Variants in PTPRN2 observed in about 807,000 individuals in gnomAD.
PTPRN2 encodes protein tyrosine phosphatase receptor type N2.
PTPRN2 carries 74 observed loss-of-function variants against 118.8 expected under a neutral mutation model. The observed-to-expected ratio is 0.62, with a 90% CI of 0.52 to 0.76. The LOEUF (loss-of-function observed/expected upper bound fraction) is 0.76. Among genes scored for constraint, PTPRN2 ranks in the 30% least tolerant of loss-of-function variants. The probability of loss-of-function intolerance (pLI) is 0.00; values close to 1 mark genes in which losing one functional copy is unlikely to be tolerated. For synonymous variants in PTPRN2, 641 were observed against 608.0 expected, an observed-to-expected ratio of 1.05 and a Z score of -0.80; for missense variants, 1,481 against 1,394.4, an observed-to-expected ratio of 1.06 and a Z score of -0.99.
In PTPRN2 at chr7:158,167,853, G is replaced by A. The variant is rs527241004; in HGVS notation, c.550-562C>T. 4.6e-5 allele frequency among the ~76,000 whole-genome samples: 7 copies of A among 152,336 alleles called. No individual in the cohort carries two copies. In the South Asian group the frequency reaches 1.4e-3, roughly 32 times the overall value. ...GGGCCAGGACATCCTTCCTCTTTCAGCCAAGTACTATCCCACTGCATGTAT... is the reference window on the plus strand; with the variant it reads ...GGGCCAGGACATCCTTCCTCTTTCAACCAAGTACTATCCCACTGCATGTAT... On this transcript the variant is annotated intron_variant, in intron 5 of 22. Coordinates refer to ENST00000389418, the MANE Select transcript of PTPRN2 (RefSeq NM_002847.5).
At chr7:157,806,142 G>A (rs1170783922) in intron 12 of PTPRN2, among the ~76,000 whole-genome samples, 10 of 152,154 alleles carry the variant, frequency 6.6e-5, no homozygotes, top group African/African-American at 2.4e-4. Flanking sequence ...TGAAGTGATT[G>A]GAACCAGAAG....
At chr7:158,498,057 A>AGG (rs1822084318) in intron 1 of PTPRN2, among the ~76,000 whole-genome samples, 1 of 152,244 alleles carries the variant, frequency 6.6e-6, no homozygotes, top group African/African-American at 2.4e-5. Flanking sequence ...CACAACGGTG[A>AGG]TGTGTGTGCT....
At chr7:158,414,067 CAAAA>C (rs34928217) in intron 2 of PTPRN2, among the ~76,000 whole-genome samples, 2 of 76,454 alleles carry the variant, frequency 2.6e-5, no homozygotes, top group Admixed American at 1.4e-4. Flanking sequence ...GCCTCTATCT[CAAAA>C]AAAAAAAAAA....
intron 2 of PTPRN2, among the ~76,000 whole-genome samples, chr7:158,340,242 C>A (rs567727301): frequency 0.11 from 5,909 of 54,798 alleles, no homozygotes; most frequent in African/African-American, 0.15. Flanking sequence ...CTCACACCCA[C>A]ACTCTCACTA....
At chr7:158,459,106 C>A (rs1818757631) in intron 2 of PTPRN2, among the ~76,000 whole-genome samples, 1 of 152,180 alleles carries the variant, frequency 6.6e-6, no homozygotes. Context: ...CACACAGGGC[C>A]ACGAGGACTT....
intron 3 of PTPRN2, among the ~76,000 whole-genome samples, chr7:158,285,285 TG>T (rs781608343): frequency 1.8e-4 from 27 of 152,118 alleles, no homozygotes; most frequent in Non-Finnish European, 3.5e-4. Context: ...TCCTGTGCTA[TG>T]TAGGGACAGG....
chr7:157,739,448 T>A (rs1347294665), intron 12 of PTPRN2: 1 of 152,246 alleles, frequency 6.6e-6, no homozygotes, highest in African/African-American at 2.4e-5. Context: ...TGTAGCTTAT[T>A]CGTCTATGAG....
chr7:158,500,437 A>G (rs1822278231), intron 1 of PTPRN2, among the ~76,000 whole-genome samples: 1 of 152,240 alleles, frequency 6.6e-6, no homozygotes, highest in South Asian at 2.1e-4. Context: ...AAACTACTTA[A>G]AACTCTGTAA....
intron 11 of PTPRN2, among the ~76,000 whole-genome samples, chr7:158,056,882 A>G (rs887737643): frequency 6.6e-6 from 1 of 152,230 alleles, no homozygotes; most frequent in African/African-American, 2.4e-5. Flanking sequence ...TGGTGGAAGC[A>G]GGTGCAGCTG....
intron 11 of PTPRN2, among the ~76,000 whole-genome samples, chr7:157,927,192 T>G (rs74697818): frequency 0.057 from 2,184 of 38,334 alleles, 152 homozygotes; most frequent in Non-Finnish European, 0.085. Flanking sequence ...CCTCGCGTCT[T>G]CTGGGACCCC....
chr7:158,336,902 C>G (rs1173280004), intron 2 of PTPRN2, among the ~76,000 whole-genome samples: 3 of 104,464 alleles, frequency 2.9e-5, no homozygotes, highest in African/African-American at 9.8e-5. Context: ...ACACTCTCAC[C>G]ATAAGATCCG....
chr7:158,266,431 C>T, intron 3 of PTPRN2, among the ~76,000 whole-genome samples: 1 of 148,578 alleles, frequency 6.7e-6, no homozygotes, highest in South Asian at 2.2e-4. Flanking sequence ...GGCAGTGAGG[C>T]TGGGGATGGT....
At chr7:158,077,660 G>A (rs1022954651) in intron 11 of PTPRN2, among the ~76,000 whole-genome samples, 3 of 152,082 alleles carry the variant, frequency 2.0e-5, no homozygotes, top group Non-Finnish European at 2.9e-5. Context: ...TGAAGGAAAC[G>A]GCCGAGCATG....
In PTPRN2 at chr7:158,148,686, ATG is replaced by A. The variant is rs1820485902; in HGVS notation, c.911-10173_911-10172del. Among the ~76,000 whole-genome samples, 8 of 6,054 alleles carry A rather than the reference ATG, an allele frequency of 1.3e-3. 1 individual carries two copies. Among genetic ancestry groups the A allele is most frequent in the Non-Finnish European group, 1.5e-3 (5 of 3,232 alleles). 4.0% of individuals were successfully genotyped at this position (6,054 alleles called of 152,430 possible). A position where few individuals can be genotyped will look rare whatever the true frequency, so the allele number is the denominator to read the frequency against. ...TCAATGACACCCCATCTCACGCCAC[ATG>A]CCTTTCCCCCTCAATGACACCCCAT... is the stretch of plus-strand genomic sequence containing the variant. On this transcript the variant is annotated intron_variant, in intron 6 of 22. Coordinates refer to ENST00000389418, the MANE Select transcript of PTPRN2 (RefSeq NM_002847.5).
rs1323414361 is a variant in PTPRN2, at chr7:157,595,269, G to A, written c.2465C>T (p.Pro822Leu). 1 of 1,614,224 alleles carries A rather than the reference G, an allele frequency of 6.2e-7. No individual in the cohort carries two copies. Among genetic ancestry groups the A allele is most frequent in the East Asian group, 2.2e-5 (1 of 44,884 alleles). Residue 822 changes from proline to leucine, a missense_variant, in exon 17 of 23, where the codon CCG becomes CTG. This residue lies in a region of PTPRN2 where 362 missense variants were observed against 384.1 expected (regional missense o/e 0.94). Transcript: ENST00000389418. Reference protein sequence around the residue: ...RNPAYIATQGPLPATVADFWQ... With the variant: ...RNPAYIATQGLLPATVADFWQ... ...AAAGTCAGCCACGGTGGCGGGCAGC[G>A]GTCCCTGGGTGGCGATGTACGCGGG...
chr7:157,894,581 C>G (rs1796996797), intron 12 of PTPRN2, among the ~76,000 whole-genome samples: 1 of 110,178 alleles, frequency 9.1e-6, no homozygotes, highest in Non-Finnish European at 1.9e-5. Flanking sequence ...GGTGTGAGTT[C>G]CTGTGGAAGC....
At chr7:158,068,678 A>C (rs1044019698) in intron 11 of PTPRN2, among the ~76,000 whole-genome samples, 1 of 152,224 alleles carries the variant, frequency 6.6e-6, no homozygotes, top group African/African-American at 2.4e-5. Flanking sequence ...CTAAGCAGGA[A>C]GCACCTTAAG....
At chr7:158,199,445 C>G (rs1361290779) in intron 4 of PTPRN2, among the ~76,000 whole-genome samples, 2 of 152,336 alleles carry the variant, frequency 1.3e-5, no homozygotes, top group African/African-American at 4.8e-5. Flanking sequence ...GAGAAATGAG[C>G]TTGTGGTTGC....
chr7:158,094,736 A>G (rs1814489562), intron 10 of PTPRN2, among the ~76,000 whole-genome samples: 1 of 152,200 alleles, frequency 6.6e-6, no homozygotes, highest in Admixed American at 6.5e-5. Flanking sequence ...ATTAGGACCC[A>G]GGCTTTTTCC....
Sources: allele counts gnomAD v4.1 joint callset (sites outside exome capture counted in the v4.1 genomes callset), GRCh38; gene constraint gnomAD v4.1.1; regional missense constraint gnomAD v4.1.1; transcripts MANE v1.5; gene names NCBI Gene and HGNC (gene_info 2026-07-23, HGNC 2026-07-21).